SLC25A26: variants seen among roughly 807,000 people sequenced by gnomAD.
The protein encoded by SLC25A26 is mitochondrial S-adenosylmethionine carrier protein.
A neutral mutation model predicts 37.8 loss-of-function variants in SLC25A26; 36 were observed. The ratio of observed to expected loss-of-function variants is 0.95; its 90% CI spans 0.73 to 1.26. SLC25A26 has a LOEUF of 1.26. Ranked by LOEUF, SLC25A26 falls within the 50% of genes most tolerant of loss-of-function variation. SLC25A26 has a pLI of 0.00. For missense variants in SLC25A26, 390 were observed against 331.1 expected, an observed-to-expected ratio of 1.18 and a Z score of -1.38; for synonymous variants, 129 against 122.5, an observed-to-expected ratio of 1.05 and a Z score of -0.35.
intron 1 of SLC25A26, among the ~76,000 whole-genome samples, chr3:66,165,105 A>C (rs2070408088): frequency 6.6e-6 from 1 of 152,208 alleles, no homozygotes; most frequent in African/African-American, 2.4e-5. Context: ...TGCCCATTCT[A>C]GGGGAAGGTG....
chr3:66,159,542 C>T (rs2070328460), intron 1 of SLC25A26, among the ~76,000 whole-genome samples: 1 of 152,132 alleles, frequency 6.6e-6, no homozygotes, highest in Non-Finnish European at 1.5e-5. Flanking sequence ...TAAAGCATGT[C>T]CTGCCACATT....
intron 5 of SLC25A26, among the ~76,000 whole-genome samples, chr3:66,324,482 G>A (rs2075784540): frequency 6.6e-6 from 1 of 152,086 alleles, no homozygotes; most frequent in African/African-American, 2.4e-5. Context: ...GGGGAGGTTA[G>A]GAATCTTGTG....
chr3:66,224,486 GC>G (rs1240857332), intron 1 of SLC25A26, among the ~76,000 whole-genome samples: 2 of 152,134 alleles, frequency 1.3e-5, no homozygotes, highest in Admixed American at 6.5e-5. Flanking sequence ...GGAAAGACCT[GC>G]CCCCATGATT....
upstream of SLC25A26, among the ~76,000 whole-genome samples, chr3:66,216,958 G>C (rs1367116324): frequency 6.6e-6 from 1 of 152,140 alleles, no homozygotes; most frequent in Non-Finnish European, 1.5e-5. Flanking sequence ...GGAAGCCCTA[G>C]GTCATGTTTG....
intron 5 of SLC25A26, among the ~76,000 whole-genome samples, chr3:66,278,935 T>A (rs1467662117): frequency 6.6e-6 from 1 of 152,122 alleles, no homozygotes; most frequent in African/African-American, 2.4e-5. Flanking sequence ...GGTGAACTAG[T>A]GTTTGTATTA....
intron 5 of SLC25A26, among the ~76,000 whole-genome samples, chr3:66,283,330 C>T (rs1431041381): frequency 2.6e-5 from 4 of 152,144 alleles, no homozygotes; most frequent in African/African-American, 9.7e-5. Context: ...TTAACCCAGG[C>T]TGAGTGCAGT....
rs2071232697 is a variant in SLC25A26 at position 66,209,087 on chromosome 3, G to GAT, written c.-353-11654_-353-11653dup. On this transcript the variant is annotated intron_variant, in intron 1 of 10. Coordinates refer to the SLC25A26 transcript ENST00000676754. ...ATATACACACACACACCCATATAAA[G>GAT]ATGTATATATATATATATATATATA... Among the ~76,000 whole-genome samples the GAT allele has an allele frequency of 6.8e-4, 27 of 39,962 alleles. 1 individual carries two copies. Among genetic ancestry groups the GAT allele is most frequent in the Middle Eastern group, 0.023 (1 of 44 alleles). 26.2% of individuals were successfully genotyped at this position (39,962 alleles called of 152,430 possible).
At chr3:66,324,460 A>C (rs113118412) in intron 5 of SLC25A26, among the ~76,000 whole-genome samples, 1 of 152,074 alleles carries the variant, frequency 6.6e-6, no homozygotes, top group Non-Finnish European at 1.5e-5. Context: ...AATGTTATCC[A>C]TGGGAGCAAT....
intron 5 of SLC25A26, among the ~76,000 whole-genome samples, chr3:66,265,880 G>A (rs1330644543): frequency 7.2e-5 from 11 of 152,230 alleles, no homozygotes; most frequent in Admixed American, 7.2e-4. Flanking sequence ...TCACCTGGGT[G>A]CAGGACAAAG....
At chr3:66,319,620 C>T (rs1466181333) in intron 5 of SLC25A26, among the ~76,000 whole-genome samples, 1 of 151,728 alleles carries the variant, frequency 6.6e-6, no homozygotes, top group South Asian at 2.1e-4. Flanking sequence ...ATTGTCTAAT[C>T]TTCCATTAGC....
chr3:66,209,633 A>C (rs1275267473), intron 1 of SLC25A26, among the ~76,000 whole-genome samples: 1 of 139,386 alleles, frequency 7.2e-6, no homozygotes, highest in Non-Finnish European at 1.5e-5. Flanking sequence ...TATCTATTTT[A>C]TATATATATA....
At chr3:66,153,974 A>G (rs1435855284) in intron 1 of SLC25A26, among the ~76,000 whole-genome samples, 2 of 152,212 alleles carry the variant, frequency 1.3e-5, no homozygotes, top group East Asian at 1.9e-4. Context: ...GGAGGAAAAT[A>G]AGATTCCGTC....
At chr3:66,227,949 C>A (rs1041167575) in intron 1 of SLC25A26, among the ~76,000 whole-genome samples, 1 of 152,052 alleles carries the variant, frequency 6.6e-6, no homozygotes, top group African/African-American at 2.4e-5. Flanking sequence ...TGGATAGTGA[C>A]CTCCTAGTTT....
At chr3:66,277,865 G>C (rs1002592613) in intron 5 of SLC25A26, among the ~76,000 whole-genome samples, 5 of 152,016 alleles carry the variant, frequency 3.3e-5, no homozygotes, top group African/African-American at 1.2e-4. Context: ...CATAATCTCA[G>C]TGTGATCATG....
At chr3:66,171,942 T>A (rs1301986732) in intron 1 of SLC25A26, among the ~76,000 whole-genome samples, 1 of 152,216 alleles carries the variant, frequency 6.6e-6, no homozygotes, top group Non-Finnish European at 1.5e-5. Flanking sequence ...CCCCCTTTCC[T>A]GTAAAGTTGT....
At chr3:66,273,650 T>C (rs1371171863) in intron 5 of SLC25A26, among the ~76,000 whole-genome samples, 2 of 152,126 alleles carry the variant, frequency 1.3e-5, no homozygotes, top group Admixed American at 1.3e-4. Context: ...CCATTCACAA[T>C]TGCTTCAAAG....
At chr3:66,133,940 A>G (rs2069908253) in exon 1 of SLC25A26, 1 of 152,218 alleles carries the variant, frequency 6.6e-6, no homozygotes, top group Non-Finnish European at 1.5e-5. Flanking sequence ...CGTACTACAT[A>G]CAGATCATGA....
intron 5 of SLC25A26, among the ~76,000 whole-genome samples, chr3:66,328,539 G>C (rs9834316): frequency 0.42 from 64,153 of 151,950 alleles, 15,846 homozygotes; most frequent in East Asian, 0.7. Context: ...GGTCTGTCAG[G>C]TGATCCACTT....
chr3:66,164,490 A>G (rs147889543), intron 1 of SLC25A26, among the ~76,000 whole-genome samples: 5 of 152,174 alleles, frequency 3.3e-5, no homozygotes, highest in African/African-American at 9.6e-5. Context: ...AAGCCCCCCA[A>G]TGCCCAATAG....
Sources: allele counts gnomAD v4.1 joint callset (sites outside exome capture counted in the v4.1 genomes callset), GRCh38; gene constraint gnomAD v4.1.1; transcripts MANE v1.5; gene names NCBI Gene and HGNC (gene_info 2026-07-23, HGNC 2026-07-21).